The following FSTL5 variants were observed in gnomAD, a reference collection of about 807,000 sequenced individuals.
The protein encoded by FSTL5 is follistatin-related protein 5.
A neutral mutation model predicts 89.1 loss-of-function variants in FSTL5; 62 were observed. The ratio of observed to expected loss-of-function variants is 0.70; its 90% CI spans 0.57 to 0.86. FSTL5 has a LOEUF of 0.86. Ranked by LOEUF, FSTL5 falls within the 40% of genes least tolerant of loss-of-function variation. The probability of loss-of-function intolerance (pLI) is 0.00; values close to 1 mark genes in which losing one functional copy is unlikely to be tolerated. For missense variants in FSTL5, 1,057 were observed against 1,001.6 expected (o/e 1.06, Z -0.75); for synonymous variants, 383 against 346.2 (o/e 1.11, Z -1.18).
intron 6 of FSTL5, among the ~76,000 whole-genome samples, chr4:161,670,689 T>TG (rs1295790697): frequency 3.9e-5 from 6 of 152,208 alleles, no homozygotes; most frequent in Non-Finnish European, 8.8e-5. Flanking sequence ...TTACAGTGAG[T>TG]GTCCCTTTAG....
At chr4:162,071,643 A>T (rs1453107163) in intron 2 of FSTL5, among the ~76,000 whole-genome samples, 2 of 151,738 alleles carry the variant, frequency 1.3e-5, no homozygotes, top group African/African-American at 4.8e-5. Flanking sequence ...GACCATACAG[A>T]CCTCACAGAC....
intron 4 of FSTL5, among the ~76,000 whole-genome samples, chr4:161,896,300 C>T (rs1733155630): frequency 6.6e-6 from 1 of 152,088 alleles, no homozygotes; most frequent in Non-Finnish European, 1.5e-5. Flanking sequence ...ATGAATATGG[C>T]TAAATGTTAG....
intron 6 of FSTL5, among the ~76,000 whole-genome samples, chr4:161,673,188 A>G (rs948562772): frequency 6.6e-6 from 1 of 152,096 alleles, no homozygotes; most frequent in Non-Finnish European, 1.5e-5. Context: ...ATTTATATAA[A>G]TTATAATGCA....
chr4:161,978,275 T>C (rs1195522944), intron 3 of FSTL5, among the ~76,000 whole-genome samples: 72 of 152,316 alleles, frequency 4.7e-4, no homozygotes, highest in Non-Finnish European at 7.4e-5. Context: ...TGTGAACTAA[T>C]TGATTATAAG....
chr4:161,858,469 A>C (rs754045144), intron 4 of FSTL5, among the ~76,000 whole-genome samples: 2 of 152,166 alleles, frequency 1.3e-5, no homozygotes, highest in African/African-American at 2.4e-5. Context: ...TAGTGAGCAA[A>C]AGCAGGCATG....
chr4:161,780,700 G>A (rs1412612947), intron 4 of FSTL5, among the ~76,000 whole-genome samples: 1 of 152,108 alleles, frequency 6.6e-6, no homozygotes, highest in Non-Finnish European at 1.5e-5. Flanking sequence ...TGTATAGCTG[G>A]CAGTGCCTCT....
At chr4:161,642,189 G>A (rs1279187581) in intron 7 of FSTL5, among the ~76,000 whole-genome samples, 1 of 151,900 alleles carries the variant, frequency 6.6e-6, no homozygotes, top group Non-Finnish European at 1.5e-5. Context: ...TGTGTGTAGT[G>A]AGAACACATA....
At chr4:161,538,386 T>C in intron 9 of FSTL5, 86 bp from the exon 10 acceptor site, 1 of 1,448,774 alleles carries the variant, frequency 6.9e-7, no homozygotes, top group Non-Finnish European at 9.6e-7. Context: ...AACAGTTCTC[T>C]TGGCTTGTCC....
chr4:161,637,620 C>G (rs1159572129), intron 7 of FSTL5, among the ~76,000 whole-genome samples: 1 of 127,770 alleles, frequency 7.8e-6, no homozygotes, highest in Non-Finnish European at 1.6e-5. Flanking sequence ...ATCTTTAATC[C>G]ATCTTGAATT....
chr4:161,538,391 T>G, intron 9 of FSTL5, 91 bp from the exon 10 acceptor site: 1 of 1,384,556 alleles, frequency 7.2e-7, no homozygotes, highest in Non-Finnish European at 1.0e-6. Context: ...TTCTCTTGGC[T>G]TGTCCTAATT....
At chr4:161,775,837 C>A in intron 5 of FSTL5, 41 bp downstream of exon 5, 1 of 994,350 alleles carries the variant, frequency 1.0e-6, no homozygotes, top group South Asian at 2.3e-5. Context: ...ATTGTGCATG[C>A]TATATTTCAG....
At chr4:161,775,744 A>G (rs1296575681) in intron 5 of FSTL5, 134 bp downstream of exon 5, 4 of 458,514 alleles carry the variant, frequency 8.7e-6, no homozygotes, top group Non-Finnish European at 1.5e-5. Flanking sequence ...TGCTACAAAA[A>G]TGTTGTTATT....
intron 4 of FSTL5, among the ~76,000 whole-genome samples, chr4:161,895,960 A>T (rs1733145518): frequency 6.6e-6 from 1 of 152,154 alleles, no homozygotes; most frequent in Non-Finnish European, 1.5e-5. Flanking sequence ...TAGAAATCTG[A>T]TGATATTGGG....
At chr4:161,468,726 C>T (rs1733832926) in intron 13 of FSTL5, among the ~76,000 whole-genome samples, 2 of 152,188 alleles carry the variant, frequency 1.3e-5, no homozygotes, top group Non-Finnish European at 1.5e-5. Flanking sequence ...TTTGGCCCCT[C>T]ATATTCTTCT....
At chr4:162,044,685 GTTCAGTGTAGCCACC>G (rs1738105765) in intron 2 of FSTL5, among the ~76,000 whole-genome samples, 1 of 152,126 alleles carries the variant, frequency 6.6e-6, no homozygotes, top group South Asian at 2.1e-4. Context: ...AAAATCTCTT[GTTCAGTGTAGCCACC>G]TTCATTAATT....
chr4:162,135,466 A>G (rs959601478), intron 1 of FSTL5, among the ~76,000 whole-genome samples: 2 of 152,128 alleles, frequency 1.3e-5, no homozygotes, highest in African/African-American at 2.4e-5. Flanking sequence ...ATAGTTTGGT[A>G]TATTTACATC....
intron 8 of FSTL5, among the ~76,000 whole-genome samples, chr4:161,559,008 A>G (rs949337358): frequency 4.6e-5 from 7 of 151,936 alleles, no homozygotes; most frequent in African/African-American, 1.4e-4. Flanking sequence ...GCACAAATCC[A>G]TTCTTCATTC....
intron 13 of FSTL5, among the ~76,000 whole-genome samples, chr4:161,480,703 G>A (rs1461042655): frequency 6.6e-6 from 1 of 152,136 alleles, no homozygotes; most frequent in Non-Finnish European, 1.5e-5. Context: ...ATTGGCCTCT[G>A]CCTGCTCCGA....
At chr4:161,442,938 C>T (rs1185139528) in intron 15 of FSTL5, among the ~76,000 whole-genome samples, 1 of 151,984 alleles carries the variant, frequency 6.6e-6, no homozygotes, top group Non-Finnish European at 1.5e-5. Flanking sequence ...GGAGTTAGGA[C>T]TAGCTAAATC....
Sources: gnomAD v4.1 joint callset for allele counts (sites outside exome capture counted in the v4.1 genomes callset) on GRCh38, gnomAD v4.1.1 for gene constraint, MANE v1.5 for transcripts, NCBI Gene and HGNC (gene_info 2026-07-23, HGNC 2026-07-21) for gene names.